TOP6BL: variants seen among roughly 807,000 people sequenced by gnomAD.
The protein encoded by TOP6BL is TOP6B like initiator of meiotic double strand breaks, also known as type 2 DNA topoisomerase 6 subunit B-like.
chr11:66,811,890 C>T, the TOP6BL span, among the ~76,000 whole-genome samples: 1 of 152,068 alleles, frequency 6.6e-6, no homozygotes, highest in African/African-American at 2.4e-5. Flanking sequence ...CTGCAGTGAG[C>T]TATGATCACA....
chr11:66,839,166 G>GGTAC, the TOP6BL span: 2 of 456,280 alleles, frequency 4.4e-6, no homozygotes, highest in East Asian at 1.4e-4. Flanking sequence ...CAGCAGCAGG[G>GGTAC]GTACAGCAGC....
At chr11:66,826,135 G>A in the TOP6BL span, among the ~76,000 whole-genome samples, 1 of 151,978 alleles carries the variant, frequency 6.6e-6, no homozygotes. Context: ...GAGCCACCAC[G>A]CCCTGGCCTG....
chr11:66,780,200 G>GT, the TOP6BL span, among the ~76,000 whole-genome samples: 1 of 151,796 alleles, frequency 6.6e-6, no homozygotes, highest in Non-Finnish European at 1.5e-5. Context: ...GGTAAATAGT[G>GT]TTTTTTTGCT....
At chr11:66,780,875 C>T in the TOP6BL span, among the ~76,000 whole-genome samples, 48 of 152,252 alleles carry the variant, frequency 3.2e-4, no homozygotes, top group African/African-American at 1.0e-3. Context: ...AGCCACCGCG[C>T]GTGGACCTGG....
the TOP6BL span, among the ~76,000 whole-genome samples, chr11:66,764,118 G>T: frequency 6.6e-6 from 1 of 152,074 alleles, no homozygotes; most frequent in Non-Finnish European, 1.5e-5. Flanking sequence ...GCCTCTTTAA[G>T]CCTATGCCTA....
At chr11:66,800,501 C>A in the TOP6BL span, 1 of 622,916 alleles carries the variant, frequency 1.6e-6, no homozygotes, top group Non-Finnish European at 2.8e-6. Context: ...TGAATGTATA[C>A]AGTTATAGTT....
chr11:66,790,783 A>C, the TOP6BL span, among the ~76,000 whole-genome samples: 1 of 152,148 alleles, frequency 6.6e-6, no homozygotes, highest in South Asian at 2.1e-4. Flanking sequence ...ATTATTGTTG[A>C]AGAGGTCAGG....
the TOP6BL span, chr11:66,814,016 GTA>G: frequency 6.2e-7 from 1 of 1,610,808 alleles, no homozygotes; most frequent in Non-Finnish European, 8.5e-7. Flanking sequence ...TTGGATAGAG[GTA>G]TATCCTCCCT....
the TOP6BL span, among the ~76,000 whole-genome samples, chr11:66,826,098 C>A: frequency 6.6e-6 from 1 of 152,194 alleles, no homozygotes; most frequent in Non-Finnish European, 1.5e-5. Context: ...CCGCCTTGGC[C>A]TCCCAAAGTA....
chr11:66,830,045 A>C, the TOP6BL span, among the ~76,000 whole-genome samples: 1 of 152,356 alleles, frequency 6.6e-6, no homozygotes, highest in Middle Eastern at 3.4e-3. Flanking sequence ...CAATGCTTTC[A>C]ATCACTTTGA....
At chr11:66,805,817 A>G in the TOP6BL span, among the ~76,000 whole-genome samples, 3 of 152,204 alleles carry the variant, frequency 2.0e-5, no homozygotes, top group Non-Finnish European at 4.4e-5. Flanking sequence ...GTGACTGCAC[A>G]ACTCTTTGAA....
the TOP6BL span, among the ~76,000 whole-genome samples, chr11:66,766,712 T>C: frequency 6.6e-6 from 1 of 151,886 alleles, no homozygotes; most frequent in African/African-American, 2.4e-5. Context: ...TTTCAAGACT[T>C]TAACTAACAT....
the TOP6BL span, among the ~76,000 whole-genome samples, chr11:66,842,662 G>A: frequency 1.3e-5 from 2 of 152,148 alleles, no homozygotes; most frequent in African/African-American, 2.4e-5. Context: ...ACCCTGAAAC[G>A]TCTCTGCAGC....
At chr11:66,837,855 C>T in the TOP6BL span, among the ~76,000 whole-genome samples, 1 of 152,124 alleles carries the variant, frequency 6.6e-6, no homozygotes, top group Non-Finnish European at 1.5e-5. Flanking sequence ...TTTTCTCTGT[C>T]CAAATTATTG....
chr11:66,831,129 G>A, the TOP6BL span, among the ~76,000 whole-genome samples: 2 of 152,196 alleles, frequency 1.3e-5, no homozygotes, highest in Non-Finnish European at 2.9e-5. Flanking sequence ...CAAGCATGTG[G>A]AAGAAAGAAC....
At chr11:66,786,556 A>C in the TOP6BL span, among the ~76,000 whole-genome samples, 1 of 152,194 alleles carries the variant, frequency 6.6e-6, no homozygotes. Context: ...CCAAATATCT[A>C]CACAATTTAT....
chr11:66,812,280 C>T, the TOP6BL span, among the ~76,000 whole-genome samples: 4 of 151,788 alleles, frequency 2.6e-5, no homozygotes, highest in Non-Finnish European at 4.4e-5. Context: ...GGGTTCACGC[C>T]ATTCTTCTGG....
At chr11:66,758,710 G>T in the TOP6BL span, among the ~76,000 whole-genome samples, 3 of 152,178 alleles carry the variant, frequency 2.0e-5, no homozygotes, top group Admixed American at 6.5e-5. Flanking sequence ...GATATATTCT[G>T]ATTACTAGCT....
At chr11:66,768,668 G>GTTTTTTTT in the TOP6BL span, among the ~76,000 whole-genome samples, 5 of 115,460 alleles carry the variant, frequency 4.3e-5, no homozygotes, top group Admixed American at 8.4e-5. Context: ...TTTGTTTTTT[G>GTTTTTTTT]TTTTTTTTTT....
Sources: allele counts gnomAD v4.1 joint callset (sites outside exome capture counted in the v4.1 genomes callset), GRCh38; gene constraint gnomAD v4.1.1; transcripts MANE v1.5; gene names NCBI Gene and HGNC (gene_info 2026-07-23, HGNC 2026-07-21).